Variants in C6orf120 observed in about 807,000 individuals in gnomAD.
C6orf120 encodes the protein UPF0669 protein C6orf120.
For synonymous variants in C6orf120, 165 were observed against 123.1 expected (o/e 1.34, Z -2.25); for missense variants, 311 against 264.2 (o/e 1.18, Z -1.23).
exon 1 of C6orf120, chr6:169,704,295 A>C (rs1788693481): frequency 3.9e-6 from 2 of 510,240 alleles, no homozygotes; most frequent in Non-Finnish European, 6.9e-6. Flanking sequence ...ATTGCAAGTC[A>C]AGGGGGATGG....
At chr6:169,703,695 A>G (rs1274237652) in exon 1 of C6orf120, 5 of 362,180 alleles carry the variant, frequency 1.4e-5, no homozygotes, top group African/African-American at 8.6e-5. Flanking sequence ...TAGGCCGGAA[A>G]CAATGTAGAT....
downstream of C6orf120, chr6:169,705,298 T>A (rs761313703): frequency 9.3e-6 from 15 of 1,610,866 alleles, no homozygotes; most frequent in Non-Finnish European, 1.1e-5. Flanking sequence ...AGCTCCATTG[T>A]CATATCCAGG....
chr6:169,702,523 C>T lies in C6orf120; in HGVS notation c.64C>T (p.Gln22Ter). The change falls in exon 1 of 1, where the codon CAG becomes TAG. Residue 22 changes from glutamine to a stop codon, truncating the protein, a stop_gained. Coordinates refer to ENST00000332290, the Ensembl canonical transcript of C6orf120. LOFTEE classifies it low-confidence loss of function (END_TRUNC). ...GGCCCTGCTGCTGCTCCTAGCCTCG[C>T]AGGTCCTGTCTCCGGGAAGCTGCGC... The T allele has an allele frequency of 6.2e-7, 1 of 1,610,296 alleles. No individual in the cohort carries two copies. Among genetic ancestry groups the T allele is most frequent in the Non-Finnish European group, 8.5e-7 (1 of 1,179,048 alleles).
At position 169,702,484 on chromosome 6, in the gene C6orf120, GCGCCC is replaced by G. The variant is rs1562975957; in HGVS notation, c.26_30del (p.Ala9ValfsTer171). Reference sequence around the variant, plus strand: ...CATGGCCGCTCCCCGCGGGAGGGCCGCGCCCTGGACGACGGCCCTGCTGCTGCTCC... The same window carrying G: ...CATGGCCGCTCCCCGCGGGAGGGCCGTGGACGACGGCCCTGCTGCTGCTCC... On this transcript the variant is annotated frameshift_variant, in exon 1 of 1. Coordinates refer to ENST00000332290, the Ensembl canonical transcript of C6orf120. LOFTEE classifies it low-confidence loss of function (END_TRUNC). The G allele has an allele frequency of 2.5e-6, 4 of 1,571,254 alleles. No homozygotes were observed. Among genetic ancestry groups the G allele is most frequent in the Non-Finnish European group, 3.5e-6 (4 of 1,159,164 alleles).
downstream of C6orf120, among the ~76,000 whole-genome samples, chr6:169,706,222 TA>T (rs977590754): frequency 1.5e-4 from 23 of 151,782 alleles, no homozygotes; most frequent in Admixed American, 1.3e-4. Flanking sequence ...TAGTGGTATT[TA>T]AAAAAAAATC....
chr6:169,702,811 G>C (rs769096232), exon 1 of C6orf120: 1 of 1,612,830 alleles, frequency 6.2e-7, no homozygotes, highest in Non-Finnish European at 8.5e-7. Context: ...GGGCATCGGC[G>C]TCTATGGACA....
At chr6:169,702,966 AGAG>A (rs1187856427) in exon 1 of C6orf120, 10 of 1,605,868 alleles carry the variant, frequency 6.2e-6, no homozygotes, top group Non-Finnish European at 8.5e-6. Flanking sequence ...ACGCCTCGCA[AGAG>A]GAGGAATCTG....
chr6:169,702,810 C>T (rs762645340), exon 1 of C6orf120: 1 of 1,612,820 alleles, frequency 6.2e-7, no homozygotes, highest in South Asian at 1.1e-5. Context: ...TGGGCATCGG[C>T]GTCTATGGAC....
chr6:169,704,287 T>G lies in C6orf120; in HGVS notation c.*1252T>G, dbSNP rs896739206. ...GTAATCAATGCCATGCAAAATTCATTGCAAGTCAAGGGGGATGGGAGAGAT... is the reference window on the plus strand; with the variant it reads ...GTAATCAATGCCATGCAAAATTCATGGCAAGTCAAGGGGGATGGGAGAGAT... On this transcript the variant is annotated 3_prime_UTR_variant, in exon 1 of 1. Coordinates refer to ENST00000332290, the Ensembl canonical transcript of C6orf120. 6 of 514,454 alleles carry G rather than the reference T, an allele frequency of 1.2e-5. No individual in the cohort carries two copies. In the African/African-American group the frequency reaches 1.2e-4, roughly 10 times the overall value. 31.9% of individuals were successfully genotyped at this position (514,454 alleles called of 1,614,324 possible).
chr6:169,702,343 G>T lies in C6orf120; in HGVS notation c.-117G>T, dbSNP rs941915830. On this transcript the variant is annotated 5_prime_UTR_variant, in exon 1 of 1. Transcript: ENST00000332290. Reference sequence around the variant, plus strand: ...GGACAGTCCCAGCGACAGACCAGGCGCCTGGACGCGCCGTGGACCCGCGTG... The same window carrying T: ...GGACAGTCCCAGCGACAGACCAGGCTCCTGGACGCGCCGTGGACCCGCGTG... 1.0e-4 allele frequency: 67 copies of T among 658,316 alleles called. No homozygotes were observed. In the African/African-American group the frequency reaches 1.2e-3, roughly 12 times the overall value. 40.8% of individuals were successfully genotyped at this position (658,316 alleles called of 1,614,324 possible).
At chr6:169,704,714 T>G (rs931025791) in exon 1 of C6orf120, 8 of 172,268 alleles carry the variant, frequency 4.6e-5, no homozygotes, top group Non-Finnish European at 8.3e-5. Flanking sequence ...CTGTGATTTA[T>G]TCAACTCTGT....
downstream of C6orf120, chr6:169,705,542 T>C (rs1279132808): frequency 4.4e-6 from 4 of 906,592 alleles, no homozygotes; most frequent in Non-Finnish European, 5.5e-6. Context: ...GAAATCTGCC[T>C]GAAACTATAA....
chr6:169,702,141 G>GGCTCCGGCC, upstream of C6orf120: 1 of 597,250 alleles, frequency 1.7e-6, no homozygotes, highest in Admixed American at 2.1e-5. Flanking sequence ...CGCCTCCGGC[G>GGCTCCGGCC]AGGCTCCGGC....
downstream of C6orf120, chr6:169,705,570 A>C (rs369940135): frequency 4.0e-4 from 406 of 1,012,916 alleles, 1 homozygote; most frequent in Admixed American, 1.0e-3. Flanking sequence ...TTTTTGAACC[A>C]ATAAATACGG....
exon 1 of C6orf120, chr6:169,702,872 C>G: frequency 6.2e-7 from 1 of 1,611,916 alleles, no homozygotes; most frequent in Non-Finnish European, 8.5e-7. Context: ...TACGACGGCA[C>G]GGTCGAGCAG....
chr6:169,706,222 T>A (rs967929263), downstream of C6orf120, among the ~76,000 whole-genome samples: 1 of 151,670 alleles, frequency 6.6e-6, no homozygotes, highest in Non-Finnish European at 1.5e-5. Context: ...TAGTGGTATT[T>A]AAAAAAAAAT....
chr6:169,704,317 T>C (rs1335984915), exon 1 of C6orf120: 2 of 476,168 alleles, frequency 4.2e-6, no homozygotes, highest in Non-Finnish European at 7.5e-6. Flanking sequence ...AGAGATGCAA[T>C]GCCATACGGT....
chr6:169,702,661 A>G (rs1214641877), exon 1 of C6orf120: 9 of 1,613,452 alleles, frequency 5.6e-6, no homozygotes, highest in Non-Finnish European at 7.6e-6. Context: ...GATAGTCCTC[A>G]GGATGCGCAG....
At chr6:169,702,714 G>A (rs1478048129) in exon 1 of C6orf120, 2 of 1,613,534 alleles carry the variant, frequency 1.2e-6, no homozygotes, top group South Asian at 2.2e-5. Context: ...CCAGCAGCCT[G>A]CACCCCAGCT....
Sources: allele counts gnomAD v4.1 joint callset (sites outside exome capture counted in the v4.1 genomes callset), GRCh38; gene constraint gnomAD v4.1.1; transcripts MANE v1.5; gene names NCBI Gene and HGNC (gene_info 2026-07-23, HGNC 2026-07-21).